The following CYYR1 variants were observed in gnomAD, a reference collection of about 807,000 sequenced individuals.
CYYR1 encodes cysteine and tyrosine-rich protein 1.
In CYYR1, 14 loss-of-function variants were observed where a neutral mutation model predicts 15.2. The observed-to-expected ratio is 0.92, with a 90% CI of 0.61 to 1.44. The LOEUF (loss-of-function observed/expected upper bound fraction) is 1.44. CYYR1 is among the 40% of genes most tolerant of loss of function. The probability of loss-of-function intolerance (pLI) is 0.00; values close to 1 mark genes in which losing one functional copy is unlikely to be tolerated. For synonymous variants in CYYR1, 80 were observed against 77.4 expected (o/e 1.03, Z -0.18); for missense variants, 228 against 209.5 (o/e 1.09, Z -0.54).
chr21:26,484,179 C>T (rs576661991), intron 2 of CYYR1, among the ~76,000 whole-genome samples: 19 of 152,170 alleles, frequency 1.2e-4, no homozygotes, highest in African/African-American at 4.3e-4. Flanking sequence ...GGAATATTAA[C>T]GCTGTTAGAT....
At chr21:26,492,641 C>T (rs138552189) in intron 2 of CYYR1, among the ~76,000 whole-genome samples, 4 of 152,072 alleles carry the variant, frequency 2.6e-5, no homozygotes, top group East Asian at 1.9e-4. Context: ...AAGTCAGAAA[C>T]GTACCTTTGG....
intron 2 of CYYR1, among the ~76,000 whole-genome samples, chr21:26,530,156 T>C (rs2065914006): frequency 6.6e-6 from 1 of 152,170 alleles, no homozygotes; most frequent in Admixed American, 6.5e-5. Flanking sequence ...CTTGTATTTG[T>C]ATGTTCTGAA....
chr21:26,554,486 A>G (rs967480617), intron 2 of CYYR1, among the ~76,000 whole-genome samples: 1 of 152,132 alleles, frequency 6.6e-6, no homozygotes, highest in Admixed American at 6.5e-5. Flanking sequence ...AGGCAGTATT[A>G]TGCCTTCAGC....
intron 2 of CYYR1, among the ~76,000 whole-genome samples, chr21:26,545,313 AG>A (rs1978883525): frequency 1.7e-4 from 1 of 5,786 alleles, no homozygotes; most frequent in Non-Finnish European, 3.3e-4. Context: ...GGCTGACTTA[AG>A]TCATTTTGTT....
Position 26,520,438 on chromosome 21 carries a change from C to T in CYYR1, c.177-40009G>A, listed in dbSNP as rs1178214205. Among the ~76,000 whole-genome samples the T allele has an allele frequency of 2.6e-5, 4 of 151,956 alleles. No individual in the cohort carries two copies. The East Asian group carries it at 7.8e-4, about 30-fold the overall frequency. ...TCCTTTTTATGGCTGCATAGTATTC[C>T]ATGGTGTATATGTACCACATTTTCT... On this transcript the variant is annotated intron_variant, in intron 2 of 3. Coordinates refer to ENST00000652641, the MANE Select transcript of CYYR1 (RefSeq NM_001320768.2).
intron 3 of CYYR1, chr21:26,477,714 G>A (rs934174758): frequency 2.9e-5 from 28 of 980,308 alleles, no homozygotes; most frequent in African/African-American, 1.1e-4. Context: ...TATCTAGAAC[G>A]TTATCTGCAA....
chr21:26,554,129 C>T (rs1645930451), intron 2 of CYYR1, among the ~76,000 whole-genome samples: 1 of 152,078 alleles, frequency 6.6e-6, no homozygotes, highest in Admixed American at 6.6e-5. Context: ...TTTTAAAGAG[C>T]TTAATCAGGG....
intron 3 of CYYR1, 134 bp downstream of exon 3, chr21:26,480,138 A>T: frequency 2.3e-6 from 2 of 884,366 alleles, no homozygotes; most frequent in Non-Finnish European, 3.3e-6. Flanking sequence ...TAGAACTTCA[A>T]TCTACATGTA....
At chr21:26,530,284 G>A (rs2065915083) in intron 2 of CYYR1, among the ~76,000 whole-genome samples, 1 of 151,838 alleles carries the variant, frequency 6.6e-6, no homozygotes, top group Non-Finnish European at 1.5e-5. Flanking sequence ...TAATTTTGAA[G>A]TAATCCTAAA....
At chr21:26,530,801 T>G (rs1354084045) in intron 2 of CYYR1, among the ~76,000 whole-genome samples, 4 of 152,218 alleles carry the variant, frequency 2.6e-5, no homozygotes. Context: ...CTCATCCTTT[T>G]TTGTGGCCAC....
At chr21:26,510,623 T>G (rs1429327212) in intron 2 of CYYR1, among the ~76,000 whole-genome samples, 1 of 152,224 alleles carries the variant, frequency 6.6e-6, no homozygotes, top group Non-Finnish European at 1.5e-5. Context: ...CAAGGTATGA[T>G]ACTGACAAAA....
At chr21:26,488,558 T>C (rs1272778338) in intron 2 of CYYR1, among the ~76,000 whole-genome samples, 3 of 152,142 alleles carry the variant, frequency 2.0e-5, no homozygotes, top group African/African-American at 7.2e-5. Flanking sequence ...TGGCGAGTAC[T>C]ACATCTTCCA....
chr21:26,537,011 GA>G (rs1244429868), intron 2 of CYYR1, among the ~76,000 whole-genome samples: 1 of 152,168 alleles, frequency 6.6e-6, no homozygotes, highest in African/African-American at 2.4e-5. Context: ...TTCTGTGATG[GA>G]AAAGCATTAA....
chr21:26,529,155 G>A (rs1188175194), intron 2 of CYYR1, among the ~76,000 whole-genome samples: 1 of 152,190 alleles, frequency 6.6e-6, no homozygotes, highest in Non-Finnish European at 1.5e-5. Flanking sequence ...GAGGGTCAGA[G>A]GAGGTTAGTA....
In CYYR1 at chr21:26,566,327, A is replaced by G. The variant is rs756521264; in HGVS notation, c.115T>C (p.Cys39Arg). Reference sequence around the variant, plus strand: ...CAGTAGGGCGTGGTTCCATCACAGCAGTAAGATTTGCAATCTTTGCCACAC... The same window carrying G: ...CAGTAGGGCGTGGTTCCATCACAGCGGTAAGATTTGCAATCTTTGCCACAC... ...AQCGKDCKSY[C>R]CDGTTPYCCS... Residue 39 changes from cysteine to arginine, a missense_variant, in exon 2 of 4, where the codon TGC becomes CGC. Physicochemically the swap from Cys to Arg is radical, Grantham distance 180. Transcript: ENST00000652641. The G allele has an allele frequency of 6.2e-7, 1 of 1,613,954 alleles. No individual in the cohort carries two copies. Among genetic ancestry groups the G allele is most frequent in the Non-Finnish European group, 8.5e-7 (1 of 1,179,880 alleles).
intron 2 of CYYR1, among the ~76,000 whole-genome samples, chr21:26,497,203 C>G (rs1345160549): frequency 6.6e-6 from 1 of 152,098 alleles, no homozygotes; most frequent in Non-Finnish European, 1.5e-5. Context: ...GGGGCCCTTT[C>G]CTACTAATGT....
At chr21:26,525,979 G>A (rs529648331) in intron 2 of CYYR1, among the ~76,000 whole-genome samples, 1 of 144,206 alleles carries the variant, frequency 6.9e-6, no homozygotes, top group Non-Finnish European at 1.5e-5. Context: ...AGAACACATG[G>A]ACACAGACAG....
chr21:26,549,046 A>AG (rs1979184715), intron 2 of CYYR1, among the ~76,000 whole-genome samples: 2 of 152,226 alleles, frequency 1.3e-5, no homozygotes, highest in South Asian at 4.2e-4. Context: ...ATGCAGTAAA[A>AG]GAAAAAAAAA....
chr21:26,468,720 G>T, intron 3 of CYYR1, 86 bp from the exon 4 acceptor site: 5 of 1,023,016 alleles, frequency 4.9e-6, no homozygotes, highest in South Asian at 4.7e-5. Context: ...AGATACTTTG[G>T]GAGGGGACAT....
Sources: allele counts gnomAD v4.1 joint callset (sites outside exome capture counted in the v4.1 genomes callset), GRCh38; gene constraint gnomAD v4.1.1; transcripts MANE v1.5; gene names NCBI Gene and HGNC (gene_info 2026-07-23, HGNC 2026-07-21).